CSMD1: variants seen among roughly 807,000 people sequenced by gnomAD.
The protein encoded by CSMD1 is CUB and Sushi multiple domains 1, also known as CUB and sushi domain-containing protein 1.
A neutral mutation model predicts 417.5 loss-of-function variants in CSMD1; 213 were observed. The ratio of observed to expected loss-of-function variants is 0.51; its 90% CI spans 0.46 to 0.57. The LOEUF (loss-of-function observed/expected upper bound fraction) is 0.57. Among genes scored for constraint, CSMD1 ranks in the 20% least tolerant of loss-of-function variants. CSMD1 has a pLI of 0.00. For synonymous variants in CSMD1, 2,862 were observed against 1,736.8 expected (o/e 1.65, Z -16.11); for missense variants, 6,923 against 4,529.7 (o/e 1.53, Z -15.17).
intron 2 of CSMD1, among the ~76,000 whole-genome samples, chr8:4,453,810 G>GTTTCT (rs1585102548): frequency 1.1e-5 from 1 of 93,020 alleles, no homozygotes; most frequent in African/African-American, 3.9e-5. Flanking sequence ...TGCGCAATTC[G>GTTTCT]TTTCTTTTTT....
chr8:3,954,969 A>G (rs550021248), intron 5 of CSMD1, among the ~76,000 whole-genome samples: 1 of 152,196 alleles, frequency 6.6e-6, no homozygotes, highest in African/African-American at 2.4e-5. Flanking sequence ...GTCTGCATTC[A>G]GTTAACATTT....
At chr8:3,514,778 C>A (rs1797218882) in intron 10 of CSMD1, among the ~76,000 whole-genome samples, 1 of 151,928 alleles carries the variant, frequency 6.6e-6, no homozygotes. Flanking sequence ...TGCACATGAT[C>A]CTTTAGTGAT....
intron 37 of CSMD1, among the ~76,000 whole-genome samples, chr8:3,169,516 A>C (rs971366717): frequency 6.6e-6 from 1 of 152,186 alleles, no homozygotes; most frequent in African/African-American, 2.4e-5. Flanking sequence ...TAGGGCTAGG[A>C]GTAGCAAACA....
At chr8:4,022,228 G>C (rs1020514023) in intron 4 of CSMD1, among the ~76,000 whole-genome samples, 2 of 148,204 alleles carry the variant, frequency 1.3e-5, no homozygotes, top group African/African-American at 5.0e-5. Context: ...GGTAATAAAG[G>C]TGCTGACTAT....
chr8:3,205,227 A>G (rs1797187690), intron 31 of CSMD1, among the ~76,000 whole-genome samples: 1 of 152,230 alleles, frequency 6.6e-6, no homozygotes, highest in African/African-American at 2.4e-5. Flanking sequence ...TGAAAGAACT[A>G]TGTTTGGGAA....
intron 41 of CSMD1, among the ~76,000 whole-genome samples, chr8:3,131,009 C>T (rs184322171): frequency 3.9e-5 from 6 of 152,332 alleles, no homozygotes; most frequent in South Asian, 4.1e-4. Context: ...TAGTTTCTTA[C>T]GGTCCTCCAG....
intron 5 of CSMD1, among the ~76,000 whole-genome samples, chr8:3,971,077 G>C (rs1444674159): frequency 6.6e-6 from 1 of 152,102 alleles, no homozygotes; most frequent in Non-Finnish European, 1.5e-5. Flanking sequence ...ACAAATGGGG[G>C]AGCCGATGTC....
intron 22 of CSMD1, among the ~76,000 whole-genome samples, chr8:3,343,812 T>C (rs1199944982): frequency 6.6e-6 from 1 of 152,158 alleles, no homozygotes; most frequent in Non-Finnish European, 1.5e-5. Flanking sequence ...GTAAAAAGGA[T>C]TTATAATATT....
At chr8:4,000,358 G>C (rs1354952068) in intron 4 of CSMD1, among the ~76,000 whole-genome samples, 1 of 152,252 alleles carries the variant, frequency 6.6e-6, no homozygotes, top group East Asian at 1.9e-4. Flanking sequence ...CTGGGAATGT[G>C]ATCATACATA....
chr8:4,715,378 G>C (rs941740292), intron 1 of CSMD1, among the ~76,000 whole-genome samples: 1 of 152,104 alleles, frequency 6.6e-6, no homozygotes, highest in Admixed American at 6.6e-5. Flanking sequence ...TATTAAAATT[G>C]AATATAATAT....
At chr8:3,184,512 G>A (rs934693196) in intron 36 of CSMD1, among the ~76,000 whole-genome samples, 5 of 152,062 alleles carry the variant, frequency 3.3e-5, no homozygotes, top group Non-Finnish European at 7.4e-5. Flanking sequence ...TCTCCTGCCT[G>A]GGCTAATGAA....
intron 3 of CSMD1, among the ~76,000 whole-genome samples, chr8:4,311,636 T>G (rs1052239472): frequency 1.3e-5 from 2 of 150,992 alleles, no homozygotes; most frequent in Non-Finnish European, 2.9e-5. Context: ...GACAGGAGAA[T>G]TGCTTGAACC....
chr8:4,244,224 A>T (rs1802563731), intron 3 of CSMD1, among the ~76,000 whole-genome samples: 6 of 152,170 alleles, frequency 3.9e-5, no homozygotes, highest in Admixed American at 2.6e-4. Flanking sequence ...CAGCAACAGT[A>T]ACAGCTAGGC....
At chr8:3,583,522 G>A (rs771293894) in intron 9 of CSMD1, among the ~76,000 whole-genome samples, 2 of 152,032 alleles carry the variant, frequency 1.3e-5, no homozygotes, top group African/African-American at 2.4e-5. Flanking sequence ...GGTGTTCAGC[G>A]ACAAACACAG....
chr8:4,166,368 T>C (rs552498369), intron 3 of CSMD1, among the ~76,000 whole-genome samples: 6 of 152,280 alleles, frequency 3.9e-5, no homozygotes, highest in Admixed American at 2.0e-4. Flanking sequence ...CACATGTTAT[T>C]TGGATGCTAA....
At chr8:3,138,568 C>A (rs1248857608) in intron 41 of CSMD1, among the ~76,000 whole-genome samples, 2 of 152,182 alleles carry the variant, frequency 1.3e-5, no homozygotes, top group African/African-American at 4.8e-5. Context: ...AATGAGGAGA[C>A]CTCCCCTGGT....
intron 3 of CSMD1, among the ~76,000 whole-genome samples, chr8:4,212,790 C>G (rs1195708375): frequency 4.0e-5 from 4 of 101,108 alleles, no homozygotes; most frequent in African/African-American, 1.4e-4. Flanking sequence ...AGCTATTGAA[C>G]AATCTCATTG....
chr8:4,306,172 C>A (rs1798233466), intron 3 of CSMD1, among the ~76,000 whole-genome samples: 1 of 152,064 alleles, frequency 6.6e-6, no homozygotes. Flanking sequence ...GTTTAAAACA[C>A]GCTGAAGTTG....
chr8:3,982,972 C>G (rs74500719), intron 5 of CSMD1, among the ~76,000 whole-genome samples: 1 of 151,966 alleles, frequency 6.6e-6, no homozygotes, highest in African/African-American at 2.4e-5. Context: ...AACAAACAAA[C>G]GACAAATAGG....
Sources: gnomAD v4.1 joint callset for allele counts (sites outside exome capture counted in the v4.1 genomes callset) on GRCh38, gnomAD v4.1.1 for gene constraint, MANE v1.5 for transcripts, NCBI Gene and HGNC (gene_info 2026-07-23, HGNC 2026-07-21) for gene names.